Variants in ANKRD11 observed in about 807,000 individuals in gnomAD.
The protein encoded by ANKRD11 is ankyrin repeat domain-containing protein 11.
ANKRD11 carries 17 observed loss-of-function variants against 195.7 expected under a neutral mutation model. The observed-to-expected ratio is 0.09, with a 90% CI of 0.06 to 0.13. ANKRD11 has a LOEUF of 0.13. Among genes scored for constraint, ANKRD11 ranks in the 10% least tolerant of loss-of-function variants. The pLI, the probability that ANKRD11 is intolerant of heterozygous loss-of-function variation, is 1.00. For synonymous variants in ANKRD11, 1,953 were observed against 1,528.1 expected (o/e 1.28, Z -6.49); for missense variants, 3,735 against 3,566.1 (o/e 1.05, Z -1.21).
rs779882012 is a variant in ANKRD11, at chr16:89,280,140, C to T, written c.6402G>A (p.Gly2134=). 2.5e-6 allele frequency: 4 copies of T among 1,611,534 alleles called. No homozygotes were observed. Among genetic ancestry groups the T allele is most frequent in the Non-Finnish European group, 3.4e-6 (4 of 1,179,332 alleles). Residue 2134 remains glycine, a synonymous_variant, in exon 9 of 13, where the codon GGG becomes GGA. Coordinates refer to ENST00000301030, the MANE Select transcript of ANKRD11 (RefSeq NM_013275.6). Reference sequence around the variant, plus strand: ...GGGGAAGCTCCGGCAGGGAGAAGGGCCCCAGGTCCAGGTCGTCCTCGGGGC... The same window carrying T: ...GGGGAAGCTCCGGCAGGGAGAAGGGTCCCAGGTCCAGGTCGTCCTCGGGGC... ...FAGPEDDLDL[G]PFSLPELPLQ...
At chr16:89,470,885 C>T (rs867040569) in intron 1 of ANKRD11, among the ~76,000 whole-genome samples, 1 of 152,024 alleles carries the variant, frequency 6.6e-6, no homozygotes, top group Non-Finnish European at 1.5e-5. Flanking sequence ...CCCAGTTACT[C>T]GGGAGGCTGA....
chr16:89,438,080 G>A (rs2043289895), intron 1 of ANKRD11, among the ~76,000 whole-genome samples: 1 of 152,206 alleles, frequency 6.6e-6, no homozygotes, highest in Non-Finnish European at 1.5e-5. Context: ...GAGCCCGCTG[G>A]CCAGGAGGGC....
intron 1 of ANKRD11, among the ~76,000 whole-genome samples, chr16:89,485,762 C>G (rs1280879354): frequency 1.3e-5 from 2 of 152,192 alleles, no homozygotes; most frequent in Non-Finnish European, 2.9e-5. Context: ...CGTTGTCTTT[C>G]CCTCCAAAGA....
rs761377016 is a variant in ANKRD11 at position 89,281,173 on chromosome 16, G to A, written c.5369C>T (p.Ser1790Leu). Residue 1790 changes from serine (S) to leucine (L), a missense_variant, in exon 9 of 13, where the codon TCG (serine) becomes TTG (leucine). By Grantham distance (145) the Ser-to-Leu change is moderately radical. Transcript: ENST00000301030. This position sits in a 1 kb window ranked among gnomAD's most constrained non-coding sequence, Gnocchi z 5.5. Reference protein sequence around the residue: ...ARPLSTNLYRSVSVDIRRTPE... With the variant: ...ARPLSTNLYRLVSVDIRRTPE... Reference sequence around the variant, plus strand: ...GGTCCTCCTAATGTCGACAGAGACCGAGCGGTAAAGGTTTGTGGAGAGAGG... The same window carrying A: ...GGTCCTCCTAATGTCGACAGAGACCAAGCGGTAAAGGTTTGTGGAGAGAGG... 4.3e-6 allele frequency: 7 copies of A among 1,614,068 alleles called. No individual in the cohort carries two copies. The highest frequency in any genetic ancestry group is 1.6e-4 in the Middle Eastern group (1 of 6,084).
chr16:89,301,733 A>C, intron 4 of ANKRD11: 1 of 398,270 alleles, frequency 2.5e-6, no homozygotes, highest in Non-Finnish European at 4.4e-6. Flanking sequence ...AGCCTCGGGG[A>C]CTGCTTTAAA....
In ANKRD11 at chr16:89,301,097, ATTAT is replaced by A. The variant is rs539022871; in HGVS notation, c.226+4105_226+4108del. The A allele has an allele frequency of 3.2e-3, 1,702 of 532,988 alleles. 10 individuals carry two copies. Among genetic ancestry groups the A allele is most frequent in the Non-Finnish European group, 4.4e-3 (1,325 of 303,314 alleles). 33.0% of individuals were successfully genotyped at this position (532,988 alleles called of 1,614,324 possible). ...CTCAAAAACATTCGCTGGTTGACTGATTATTTATTTATCTATTTTATTTTTTATG... is the reference window on the plus strand; with the variant it reads ...CTCAAAAACATTCGCTGGTTGACTGATTATTTATCTATTTTATTTTTTATG... On this transcript the variant is annotated intron_variant, in intron 4 of 12. Coordinates refer to ENST00000301030, the MANE Select transcript of ANKRD11 (RefSeq NM_013275.6).
intron 1 of ANKRD11, among the ~76,000 whole-genome samples, chr16:89,462,955 G>A (rs957750321): frequency 3.3e-4 from 50 of 150,752 alleles, no homozygotes; most frequent in Admixed American, 1.8e-3. Context: ...AGGTGGGGGG[G>A]GTCAGCCCCC....
intron 2 of ANKRD11, among the ~76,000 whole-genome samples, chr16:89,374,870 T>G (rs945009983): frequency 1.3e-5 from 2 of 152,010 alleles, no homozygotes; most frequent in African/African-American, 4.8e-5. Flanking sequence ...ACTGAAAAAC[T>G]TATTAGAGAT....
intron 3 of ANKRD11, among the ~76,000 whole-genome samples, chr16:89,314,167 G>C (rs1002381624): frequency 5.4e-5 from 8 of 147,058 alleles, no homozygotes; most frequent in African/African-American, 1.6e-4. Context: ...GGGGCAGGGT[G>C]GGGGGTTATG....
At position 89,282,659 on chromosome 16, in the gene ANKRD11, C is replaced by T; in HGVS notation, c.3883G>A (p.Asp1295Asn). The change falls in exon 9 of 13, where the codon GAC (aspartate) becomes AAC (asparagine). Residue 1295 changes from aspartate to asparagine, a missense_variant. Physicochemically the swap from Asp to Asn is conservative, Grantham distance 23 (BLOSUM62 1). Transcript: ENST00000301030. ...EEEALHEYRE[D>N]SNDKISEVSS... is the part of the protein sequence containing the mutation. ...ACCTCGCTGATTTTATCGTTGGAGTCTTCTCTGTACTCATGGAGAGCCTCT... is the reference window on the plus strand; with the variant it reads ...ACCTCGCTGATTTTATCGTTGGAGTTTTCTCTGTACTCATGGAGAGCCTCT... The T allele has an allele frequency of 6.8e-6, 11 of 1,614,088 alleles. No homozygotes were observed. The highest frequency in any genetic ancestry group is 9.3e-6 in the Non-Finnish European group (11 of 1,180,032).
chr16:89,271,851 C>T (rs1252756321), intron 11 of ANKRD11: 1 of 152,124 alleles, frequency 6.6e-6, no homozygotes, highest in Non-Finnish European at 1.5e-5. Flanking sequence ...ATTTCTCAAG[C>T]AATACCCCGA....
Position 89,283,617 on chromosome 16 carries a change from C to T in ANKRD11, c.2925G>A (p.Glu975=). 1 of 1,610,244 alleles carries T rather than the reference C, an allele frequency of 6.2e-7. No individual in the cohort carries two copies. The highest frequency in any genetic ancestry group is 2.2e-5 in the East Asian group (1 of 44,886). The part of the protein sequence containing the change: ...RAKPEEAHRE[E]LKECGCESGF... The stretch of plus-strand genomic sequence containing the variant: ...CACTCTCGCAGCCACACTCCTTCAG[C>T]TCCTCCCGGTGCGCCTCCTCGGGCT... The change falls in exon 9 of 13, where the codon GAG becomes GAA. Residue 975 remains glutamate (E), a synonymous_variant. Coordinates refer to ENST00000301030, the MANE Select transcript of ANKRD11 (RefSeq NM_013275.6). This position sits in a 1 kb window ranked among gnomAD's most constrained non-coding sequence, Gnocchi z 4.3.
chr16:89,383,187 C>G (rs959470886), intron 2 of ANKRD11, among the ~76,000 whole-genome samples: 1 of 152,162 alleles, frequency 6.6e-6, no homozygotes, highest in Admixed American at 6.6e-5. Flanking sequence ...GGGAGCGGTG[C>G]GAGGTCACCT....
chr16:89,344,016 G>A (rs1361488222), intron 2 of ANKRD11, among the ~76,000 whole-genome samples: 1 of 152,146 alleles, frequency 6.6e-6, no homozygotes, highest in Non-Finnish European at 1.5e-5. Context: ...AAATATCGGT[G>A]CAGGCGGCCA....
intron 12 of ANKRD11, chr16:89,270,463 C>A (rs568239417): frequency 1.0e-5 from 4 of 382,624 alleles, no homozygotes; most frequent in Non-Finnish European, 2.0e-5. Context: ...CCCTGCCCAC[C>A]GCCCTGGCCA....
At chr16:89,423,496 T>C (rs1165533603) in intron 1 of ANKRD11, among the ~76,000 whole-genome samples, 1 of 152,250 alleles carries the variant, frequency 6.6e-6, no homozygotes, top group Non-Finnish European at 1.5e-5. Context: ...TGTGGCTTTC[T>C]TGACAAATAC....
intron 2 of ANKRD11, among the ~76,000 whole-genome samples, chr16:89,395,314 T>C (rs1043693299): frequency 1.3e-5 from 2 of 152,218 alleles, no homozygotes; most frequent in African/African-American, 4.8e-5. Context: ...TCCGTAATCC[T>C]GGGAGCAGCG....
chr16:89,470,871 T>C (rs2057059859), intron 1 of ANKRD11, among the ~76,000 whole-genome samples: 1 of 152,138 alleles, frequency 6.6e-6, no homozygotes, highest in Non-Finnish European at 1.5e-5. Flanking sequence ...CGGACATTTG[T>C]AGTCCCAGTT....
intron 3 of ANKRD11, chr16:89,313,470 G>A (rs1289711976): frequency 7.8e-7 from 1 of 1,289,192 alleles, no homozygotes; most frequent in East Asian, 5.5e-5. Flanking sequence ...CACTGGTGCA[G>A]CCAAAGGGAC....
Sources: allele counts gnomAD v4.1 joint callset (sites outside exome capture counted in the v4.1 genomes callset), GRCh38; gene constraint gnomAD v4.1.1; non-coding constraint Gnocchi (gnomAD v3.1); transcripts MANE v1.5; gene names NCBI Gene and HGNC (gene_info 2026-07-23, HGNC 2026-07-21).